The following SAP130 variants were observed in gnomAD, a reference collection of about 807,000 sequenced individuals.
The protein encoded by SAP130 is histone deacetylase complex subunit SAP130.
A neutral mutation model predicts 103.2 loss-of-function variants in SAP130; 16 were observed. The observed-to-expected ratio is 0.16, with a 90% CI of 0.10 to 0.24. The LOEUF (loss-of-function observed/expected upper bound fraction) is 0.24. Ranked by LOEUF, SAP130 falls within the 10% of genes least tolerant of loss-of-function variation. The probability of loss-of-function intolerance (pLI) is 1.00; values close to 1 mark genes in which losing one functional copy is unlikely to be tolerated. For synonymous variants in SAP130, 477 were observed against 497.0 expected (o/e 0.96, Z 0.53); for missense variants, 990 against 1,359.7 (o/e 0.73, Z 4.28).
At chr2:127,960,969 C>T (rs1199328064) in intron 15 of SAP130, among the ~76,000 whole-genome samples, 1 of 151,160 alleles carries the variant, frequency 6.6e-6, no homozygotes, top group Non-Finnish European at 1.5e-5. Flanking sequence ...TAAGCAAATA[C>T]AAATGTTTTT....
At chr2:127,958,095 T>A (rs565869774) in intron 15 of SAP130, among the ~76,000 whole-genome samples, 2 of 152,314 alleles carry the variant, frequency 1.3e-5, no homozygotes, top group South Asian at 2.1e-4. Flanking sequence ...AACCTGCATG[T>A]TCTGCACATG....
In SAP130 at chr2:127,988,429, T is replaced by A. The variant is rs868389575; in HGVS notation, c.1780+1135A>T. Among the ~76,000 whole-genome samples the A allele has an allele frequency of 3.7e-3, 470 of 126,266 alleles. 4 individuals are homozygous for A. The highest frequency in any genetic ancestry group is 0.013 in the African/African-American group (415 of 32,994). 82.8% of individuals were successfully genotyped at this position (126,266 alleles called of 152,430 possible). ...CAGAGTGAGTGAGACCTTGTCTTTT[T>A]AAAAAAAAAAAAAAAAAAAAAATCA... is the stretch of plus-strand genomic sequence containing the variant. On this transcript the variant is annotated intron_variant, in intron 13 of 20. Coordinates refer to ENST00000643581, the MANE Select transcript of SAP130 (RefSeq NM_001330301.2).
rs1392666893 is a variant in SAP130, at chr2:127,996,277, C to T, written c.1355+73G>A. ...AAATATAGGCCATATTTGTGGGACA[C>T]TTTGTTTTATGCTGATAAAGCAGAA... is the stretch of plus-strand genomic sequence containing the variant. On this transcript the variant is annotated intron_variant, in intron 11 of 20. Transcript: ENST00000643581. This position sits in a 1 kb window ranked among gnomAD's most constrained non-coding sequence, Gnocchi z 4.3. 1.5e-6 allele frequency: 2 copies of T among 1,339,094 alleles called. No homozygotes were observed. The highest frequency in any genetic ancestry group is 2.8e-5 in the Admixed American group (1 of 35,766). The allele number at this position is 1,339,094 out of a possible 1,614,324, so 83.0% of individuals were successfully genotyped here.
chr2:127,978,474 A>G (rs991038696), intron 14 of SAP130, among the ~76,000 whole-genome samples: 16 of 152,220 alleles, frequency 1.1e-4, no homozygotes, highest in Admixed American at 9.8e-4. Flanking sequence ...GGTGTTTATA[A>G]AGACCCCGAA....
At chr2:128,020,685 G>A (rs953167001) in intron 2 of SAP130, among the ~76,000 whole-genome samples, 5 of 152,134 alleles carry the variant, frequency 3.3e-5, no homozygotes, top group African/African-American at 4.8e-5. Context: ...ACTGGGTAGA[G>A]AATACTGCAT....
Position 127,942,234 on chromosome 2 carries a change from C to T in SAP130, c.3016-70G>A. On this transcript the variant is annotated intron_variant, in intron 20 of 20. Transcript: ENST00000643581. The surrounding 1 kb of genome is among the most constrained non-coding windows in gnomAD (Gnocchi z 4.8). ...AGTACAGCTTTTAAAAAACTGCTTGCCTTTGGGCAGAGGCCATGTTGAGGC... is the reference window on the plus strand; with the variant it reads ...AGTACAGCTTTTAAAAAACTGCTTGTCTTTGGGCAGAGGCCATGTTGAGGC... 1 of 1,446,122 alleles carries T rather than the reference C, an allele frequency of 6.9e-7. No homozygotes were observed. Among genetic ancestry groups the T allele is most frequent in the Non-Finnish European group, 9.4e-7 (1 of 1,064,998 alleles). The allele number at this position is 1,446,122 out of a possible 1,614,324, so 89.6% of individuals were successfully genotyped here.
intron 11 of SAP130, among the ~76,000 whole-genome samples, chr2:127,995,291 G>A (rs1573774280): frequency 6.6e-6 from 1 of 152,074 alleles, no homozygotes; most frequent in East Asian, 1.9e-4. Flanking sequence ...CAGCCAGACA[G>A]ATAAAGTTCA....
chr2:127,945,607 G>T (rs1368040610), intron 18 of SAP130, 48 bp from the exon 19 acceptor site: 3 of 1,166,062 alleles, frequency 2.6e-6, no homozygotes, highest in Non-Finnish European at 1.3e-6. Flanking sequence ...GTTTAAAAAG[G>T]TAAATGATTT....
Position 127,949,925 on chromosome 2 carries a change from T to C in SAP130, c.2741A>G (p.Asn914Ser), listed in dbSNP as rs1283141757. The change falls in exon 18 of 21, where the codon AAC (asparagine) becomes AGC (serine). Residue 914 changes from asparagine (N) to serine (S), a missense_variant. Asn to Ser is a conservative substitution (Grantham distance 46). Transcript: ENST00000643581. Reference protein sequence around the residue: ...PPITLLRHYRNPWKAAYHHFQ... With the variant: ...PPITLLRHYRSPWKAAYHHFQ... ...GTGGTGGTAAGCAGCTTTCCAGGGGTTCCGATAGTGACGAAGCAAAGTAAT... is the reference window on the plus strand; with the variant it reads ...GTGGTGGTAAGCAGCTTTCCAGGGGCTCCGATAGTGACGAAGCAAAGTAAT... The C allele has an allele frequency of 6.2e-7, 1 of 1,613,912 alleles. No homozygotes were observed. The highest frequency in any genetic ancestry group is 8.5e-7 in the Non-Finnish European group (1 of 1,180,024).
Position 127,953,190 on chromosome 2 carries a change from T to C in SAP130, c.2422+1796A>G, listed in dbSNP as rs545336450. Among the ~76,000 whole-genome samples the C allele has an allele frequency of 1.3e-5, 2 of 152,332 alleles. No individual in the cohort carries two copies. Among genetic ancestry groups the C allele is most frequent in the African/African-American group, 2.4e-5 (1 of 41,576 alleles). ...CCAATGGCAACTCTATGGCTTCCAG[T>C]TGCTAAGGCCAAAAATCTTGGAAAT... On this transcript the variant is annotated intron_variant, in intron 16 of 20. Coordinates refer to ENST00000643581, the MANE Select transcript of SAP130 (RefSeq NM_001330301.2). The surrounding 1 kb of genome is among the most constrained non-coding windows in gnomAD (Gnocchi z 4.0).
chr2:128,014,835 G>C lies in SAP130; in HGVS notation c.587C>G (p.Pro196Arg). ...TAAATGAGAAGCTCCAATGTGAAGA[G>C]GGGGCCCAGGAGCATTGCTGCGGAT... ...SIIRSNAPGP[P>R]LHIGASHLPR... The change falls in exon 5 of 21, where the codon CCT becomes CGT. Residue 196 changes from proline to arginine, a missense_variant. Transcript: ENST00000643581. The C allele has an allele frequency of 6.2e-7, 1 of 1,614,068 alleles. No individual in the cohort carries two copies. The highest frequency in any genetic ancestry group is 8.5e-7 in the Non-Finnish European group (1 of 1,179,918).
chr2:128,016,163 T>A (rs1242363355), intron 4 of SAP130, among the ~76,000 whole-genome samples: 1 of 152,016 alleles, frequency 6.6e-6, no homozygotes, highest in Non-Finnish European at 1.5e-5. Flanking sequence ...ATCGAGCATC[T>A]AGTAGCTGCT....
intron 1 of SAP130, chr2:128,026,950 C>T (rs991371989): frequency 2.2e-5 from 16 of 742,166 alleles, no homozygotes; most frequent in South Asian, 5.8e-5. Context: ...GCCCGCAACC[C>T]CACCCCACCG....
intron 7 of SAP130, among the ~76,000 whole-genome samples, chr2:128,003,979 T>TTTTTTTTTTTTTTTTTTTTTG (rs1683769820): frequency 7.7e-6 from 1 of 130,452 alleles, no homozygotes; most frequent in African/African-American, 3.3e-5. Context: ...TTTTTTTTTT[T>TTTTTTTTTTTTTTTTTTTTTG]TTTTTTTTTT....
At chr2:128,008,415 G>C (rs2105147199) in intron 7 of SAP130, among the ~76,000 whole-genome samples, 1 of 151,960 alleles carries the variant, frequency 6.6e-6, no homozygotes, top group East Asian at 1.9e-4. Context: ...GCCCAGACTA[G>C]AGAGTAGTGG....
chr2:127,982,045 GTTTAT>G (rs1037862266), intron 14 of SAP130, among the ~76,000 whole-genome samples: 2 of 152,058 alleles, frequency 1.3e-5, no homozygotes, highest in Non-Finnish European at 2.9e-5. Flanking sequence ...GTTGGACACT[GTTTAT>G]TTTGAGACTA....
At chr2:127,957,362 C>A (rs955203188) in intron 15 of SAP130, among the ~76,000 whole-genome samples, 1 of 152,100 alleles carries the variant, frequency 6.6e-6, no homozygotes, top group Non-Finnish European at 1.5e-5. Flanking sequence ...AGAGTCTGAA[C>A]TGTATATTTG....
At chr2:128,020,972 G>A (rs947971847) in intron 2 of SAP130, among the ~76,000 whole-genome samples, 6 of 151,940 alleles carry the variant, frequency 3.9e-5, no homozygotes, top group South Asian at 2.1e-4. Context: ...CCTGGGCAAC[G>A]AAGCAAGACT....
chr2:127,959,513 C>A (rs1389805830), intron 15 of SAP130, among the ~76,000 whole-genome samples: 2 of 152,202 alleles, frequency 1.3e-5, no homozygotes, highest in Non-Finnish European at 2.9e-5. Flanking sequence ...CAACCGGGAA[C>A]CTGGCCTTCA....
Sources: allele counts gnomAD v4.1 joint callset (sites outside exome capture counted in the v4.1 genomes callset), GRCh38; gene constraint gnomAD v4.1.1; non-coding constraint Gnocchi (gnomAD v3.1); transcripts MANE v1.5; gene names NCBI Gene and HGNC (gene_info 2026-07-23, HGNC 2026-07-21).